The following TNFRSF1A variants were observed in gnomAD, a reference collection of about 807,000 sequenced individuals.
TNFRSF1A encodes TNF receptor superfamily member 1A.
Under a neutral mutation model 41.6 loss-of-function variants are expected in TNFRSF1A, and 9 were observed. That is an observed-to-expected ratio of 0.22 (90% CI 0.13 to 0.38). TNFRSF1A has a LOEUF of 0.38. Ranked by LOEUF, TNFRSF1A falls within the 10% of genes least tolerant of loss-of-function variation. The probability of loss-of-function intolerance (pLI) is 1.00; values close to 1 mark genes in which losing one functional copy is unlikely to be tolerated. For synonymous variants in TNFRSF1A, 254 were observed against 248.6 expected, an observed-to-expected ratio of 1.02 and a Z score of -0.21; for missense variants, 463 against 591.5, an observed-to-expected ratio of 0.78 and a Z score of 2.25.
chr12:6,329,572 G>A lies in TNFRSF1A; in HGVS notation c.1108C>T (p.Arg370Cys), dbSNP rs765407751. The change falls in exon 10 of 10, where the codon CGC (arginine) becomes TGC (cysteine). Residue 370 changes from arginine to cysteine, a missense_variant. Coordinates refer to ENST00000162749, the MANE Select transcript of TNFRSF1A (RefSeq NM_001065.4). ...AGGCGCCGCACGAATTCCTTCCAGC[G>A]CAACGGGGGCACGTTCTCCACCACG... ...YAVVENVPPL[R>C]WKEFVRRLGL... The A allele has an allele frequency of 3.8e-6, 6 of 1,591,952 alleles. No individual in the cohort carries two copies. The highest frequency in any genetic ancestry group is 2.6e-6 in the Non-Finnish European group (3 of 1,175,388).
Position 6,341,266 on chromosome 12 carries a change from C to A in TNFRSF1A, c.39+510G>T, listed in dbSNP as rs1365944922. On this transcript the variant is annotated intron_variant, in intron 1 of 9. Coordinates refer to ENST00000162749, the MANE Select transcript of TNFRSF1A (RefSeq NM_001065.4). This position sits in a 1 kb window ranked among gnomAD's most constrained non-coding sequence, Gnocchi z 4.6. Reference sequence around the variant, plus strand: ...CATCCCCACTCCTCAACTCACTCCCCCACTTCACCAGCCGCCAAAATCCTG... The same window carrying A: ...CATCCCCACTCCTCAACTCACTCCCACACTTCACCAGCCGCCAAAATCCTG... Among the ~76,000 whole-genome samples the A allele has an allele frequency of 6.6e-6, 1 of 152,118 alleles. No individual in the cohort carries two copies. The highest frequency in any genetic ancestry group is 1.5e-5 in the Non-Finnish European group (1 of 68,010).
Position 6,341,739 on chromosome 12 carries a change from C to T in TNFRSF1A, c.39+37G>A, listed in dbSNP as rs201282160. On this transcript the variant is annotated intron_variant, in intron 1 of 9. Transcript: ENST00000162749. This position sits in a 1 kb window ranked among gnomAD's most constrained non-coding sequence, Gnocchi z 4.6. ...CCCACGCCAGCCGGAAGGTGCCTCGCCCACCAGCCCACTCTTCCCTTTGTC... is the reference window on the plus strand; with the variant it reads ...CCCACGCCAGCCGGAAGGTGCCTCGTCCACCAGCCCACTCTTCCCTTTGTC... 5 of 1,613,326 alleles carry T rather than the reference C, an allele frequency of 3.1e-6. No homozygotes were observed. Among genetic ancestry groups the T allele is most frequent in the Non-Finnish European group, 4.2e-6 (5 of 1,179,642 alleles).
intron 1 of TNFRSF1A, among the ~76,000 whole-genome samples, chr12:6,336,010 C>T (rs530835307): frequency 6.6e-6 from 1 of 152,302 alleles, no homozygotes; most frequent in African/African-American, 2.4e-5. Flanking sequence ...TCCAGGGCAA[C>T]AGGAAGGGTT....
At chr12:6,330,366 G>A in intron 7 of TNFRSF1A, 71 bp from the exon 8 acceptor site, 1 of 1,460,774 alleles carries the variant, frequency 6.8e-7, no homozygotes, top group Non-Finnish European at 9.6e-7. Flanking sequence ...GACTCAGCTG[G>A]CAGTGGGGAC....
At position 6,329,305 on chromosome 12, in the gene TNFRSF1A, C is replaced by T; in HGVS notation, c.*7G>A. Reference sequence around the variant, plus strand: ...CGGTCCTTAGAGCTGCCCGCAGGGGCGCAGCCTCATCTGAGAAGACTGGGC... The same window carrying T: ...CGGTCCTTAGAGCTGCCCGCAGGGGTGCAGCCTCATCTGAGAAGACTGGGC... On this transcript the variant is annotated 3_prime_UTR_variant, in exon 10 of 10. Coordinates refer to ENST00000162749, the MANE Select transcript of TNFRSF1A (RefSeq NM_001065.4). The T allele has an allele frequency of 1.4e-6, 2 of 1,467,802 alleles. No individual in the cohort carries two copies. The highest frequency in any genetic ancestry group is 1.8e-6 in the Non-Finnish European group (2 of 1,118,810). The allele number at this position is 1,467,802 out of a possible 1,614,324, so 90.9% of individuals were successfully genotyped here.
intron 1 of TNFRSF1A, among the ~76,000 whole-genome samples, chr12:6,340,879 G>C (rs767001960): frequency 6.6e-6 from 1 of 152,228 alleles, no homozygotes; most frequent in Non-Finnish European, 1.5e-5. Context: ...TGAGGCCAGA[G>C]AAAGGGACAT....
Position 6,330,891 on chromosome 12 carries a change from A to G in TNFRSF1A, c.587T>C (p.Leu196Pro), listed in dbSNP as rs201740593. The G allele has an allele frequency of 2.5e-6, 4 of 1,613,732 alleles. No homozygotes were observed. Among genetic ancestry groups the G allele is most frequent in the Non-Finnish European group, 3.4e-6 (4 of 1,180,038 alleles). ...GCCCTTAACATTCTCAATCTGGGGT[A>G]GGCACAACTTCGTGCACTCCAGGCT... ...KKSLECTKLC[L>P]PQIENVKGTE... Residue 196 changes from leucine to proline, a missense_variant, in exon 6 of 10, where the codon CTA (leucine) becomes CCA (proline). Leu to Pro is a moderately conservative substitution (Grantham distance 98). Transcript: ENST00000162749.
At chr12:6,331,215 G>A (rs1320310701) in intron 5 of TNFRSF1A, 3 of 477,090 alleles carry the variant, frequency 6.3e-6, no homozygotes, top group Non-Finnish European at 7.7e-6. Context: ...ATCTAGGCAA[G>A]CCATTAACCC....
chr12:6,338,041 A>G (rs1399717493), intron 1 of TNFRSF1A, among the ~76,000 whole-genome samples: 2 of 152,144 alleles, frequency 1.3e-5, no homozygotes, highest in Non-Finnish European at 2.9e-5. Flanking sequence ...CTTACTTAAG[A>G]GTCTGGTGTG....
rs757941488 is a variant in TNFRSF1A, at chr12:6,334,249, G to C, written c.40-5C>G. 4 of 1,612,386 alleles carry C rather than the reference G, an allele frequency of 2.5e-6. No homozygotes were observed. The African/African-American group carries it at 5.3e-5, about 22-fold the overall frequency. On this transcript the variant is annotated splice_polypyrimidine_tract_variant and splice_region_variant and intron_variant, in intron 1 of 9. Transcript: ENST00000162749. This position sits in a 1 kb window ranked among gnomAD's most constrained non-coding sequence, Gnocchi z 5.1. ...CACCAACAGCTCCAGGAGCACCTGGGGAAGAATCAGATAGAGGAGACACCA... is the reference window on the plus strand; with the variant it reads ...CACCAACAGCTCCAGGAGCACCTGGCGAAGAATCAGATAGAGGAGACACCA...
intron 5 of TNFRSF1A, among the ~76,000 whole-genome samples, chr12:6,332,734 T>A (rs893314177): frequency 6.6e-6 from 1 of 152,130 alleles, no homozygotes; most frequent in East Asian, 1.9e-4. Context: ...AATTCAACCA[T>A]GATGAGTCAC....
chr12:6,332,919 G>A, intron 5 of TNFRSF1A, 150 bp downstream of exon 5: 3 of 698,798 alleles, frequency 4.3e-6, no homozygotes, highest in Non-Finnish European at 7.8e-6. Context: ...GGACTGCCTG[G>A]TGTCTTAACG....
In TNFRSF1A at chr12:6,341,332, G is replaced by A. The variant is rs953864685; in HGVS notation, c.39+444C>T. On this transcript the variant is annotated intron_variant, in intron 1 of 9. Transcript: ENST00000162749. This position sits in a 1 kb window ranked among gnomAD's most constrained non-coding sequence, Gnocchi z 4.6. ...TCCACCAAGTTCCACAGGCAGCCTC[G>A]CCTCCCCACGGCCCAACACCCTCCA... Among the ~76,000 whole-genome samples, 2 of 151,952 alleles carry A rather than the reference G, an allele frequency of 1.3e-5. No homozygotes were observed. The highest frequency in any genetic ancestry group is 2.4e-5 in the African/African-American group (1 of 41,350).
At chr12:6,330,770 T>A in intron 6 of TNFRSF1A, 59 bp from the exon 7 acceptor site, 3 of 1,576,676 alleles carry the variant, frequency 1.9e-6, no homozygotes, top group South Asian at 1.1e-5. Context: ...CAGGGATAGA[T>A]GGATGGGTGG....
Position 6,341,904 on chromosome 12 carries a change from C to G in TNFRSF1A, c.-90G>C. 1 of 1,452,130 alleles carries G rather than the reference C, an allele frequency of 6.9e-7. No homozygotes were observed. The highest frequency in any genetic ancestry group is 9.6e-7 in the Non-Finnish European group (1 of 1,036,936). The allele number at this position is 1,452,130 out of a possible 1,614,324, so 90.0% of individuals were successfully genotyped here. On this transcript the variant is annotated 5_prime_UTR_variant, in exon 1 of 10. Coordinates refer to ENST00000162749, the MANE Select transcript of TNFRSF1A (RefSeq NM_001065.4). The surrounding 1 kb of genome is among the most constrained non-coding windows in gnomAD (Gnocchi z 4.6). ...GGGGCTTCCCGGGACTCGGTCTGTC[C>G]AGGACGTCCCAAGTGCCTTGGGGTG... is the stretch of plus-strand genomic sequence containing the variant.
At position 6,333,421 on chromosome 12, in the gene TNFRSF1A, G is replaced by T. The variant is rs1948077811; in HGVS notation, c.418C>A (p.Leu140Ile). 2 of 1,613,912 alleles carry T rather than the reference G, an allele frequency of 1.2e-6. No individual in the cohort carries two copies. Among genetic ancestry groups the T allele is most frequent in the African/African-American group, 1.3e-5 (1 of 74,896 alleles). The change falls in exon 4 of 10, where the codon CTT becomes ATT. Residue 140 changes from leucine to isoleucine, a missense_variant. This residue lies in a region of TNFRSF1A where 149 missense variants were observed against 239.4 expected (regional missense o/e 0.62). Coordinates refer to ENST00000162749, the MANE Select transcript of TNFRSF1A (RefSeq NM_001065.4). The surrounding 1 kb of genome is among the most constrained non-coding windows in gnomAD (Gnocchi z 6.3). ...AGGCTGCAATTGAAGCACTGGAAAAGGTTTTCACTCCAATAATGCCGGTAC... is the reference window on the plus strand; with the variant it reads ...AGGCTGCAATTGAAGCACTGGAAAATGTTTTCACTCCAATAATGCCGGTAC... ...NQYRHYWSEN[L>I]FQCFNCSLCL...
Position 6,329,434 on chromosome 12 carries a change from CCTCGCGCCGCGG to C in TNFRSF1A, c.1234_1245del (p.Pro412_Glu415del). The C allele has an allele frequency of 6.3e-7, 1 of 1,585,120 alleles. No individual in the cohort carries two copies. The highest frequency in any genetic ancestry group is 8.5e-7 in the Non-Finnish European group (1 of 1,172,626). On this transcript the variant is annotated inframe_deletion, in exon 10 of 10. Coordinates refer to ENST00000162749, the MANE Select transcript of TNFRSF1A (RefSeq NM_001065.4). ...ACGCGTCCCAGCAGCTCCAGCGTGG[CCTCGCGCCGCGG>C]CGTGCGCCGCCTCCAGGTCGCCAGC...
Position 6,332,957 on chromosome 12 carries a change from C to T in TNFRSF1A, c.551+112G>A. 4.3e-6 allele frequency: 4 copies of T among 935,872 alleles called. No individual in the cohort carries two copies. The Admixed American group carries it at 7.2e-5, about 17-fold the overall frequency. The allele number at this position is 935,872 out of a possible 1,614,324, so 58.0% of individuals were successfully genotyped here. A position where few individuals can be genotyped will look rare whatever the true frequency, so the allele number is the denominator to read the frequency against. On this transcript the variant is annotated intron_variant, in intron 5 of 9. Coordinates refer to ENST00000162749, the MANE Select transcript of TNFRSF1A (RefSeq NM_001065.4). ...GTGTCTCCTACTCAGCCAGTAGGAC[C>T]CTGAGCACTCTGGGGCATCCTGGCA...
chr12:6,330,760 C>T (rs1442070778), intron 6 of TNFRSF1A, 49 bp from the exon 7 acceptor site: 20 of 1,581,462 alleles, frequency 1.3e-5, no homozygotes, highest in Non-Finnish European at 1.7e-5. Context: ...AGGGGGGCCG[C>T]AGGGATAGAT....
Sources: gnomAD v4.1 joint callset for allele counts (sites outside exome capture counted in the v4.1 genomes callset) on GRCh38, gnomAD v4.1.1 for gene constraint, gnomAD v4.1.1 regional missense constraint, Gnocchi (gnomAD v3.1) non-coding constraint, MANE v1.5 for transcripts, NCBI Gene and HGNC (gene_info 2026-07-23, HGNC 2026-07-21) for gene names.